PTCHD4: variants seen among roughly 807,000 people sequenced by gnomAD.
The protein encoded by PTCHD4 is patched domain-containing protein 4.
In PTCHD4, 33 loss-of-function variants were observed where a neutral mutation model predicts 58.1. The observed-to-expected ratio is 0.57, with a 90% CI of 0.43 to 0.76. PTCHD4 has a LOEUF of 0.76. Among genes scored for constraint, PTCHD4 ranks in the 30% least tolerant of loss-of-function variants. PTCHD4 has a pLI of 0.00. For synonymous variants in PTCHD4, 478 were observed against 409.6 expected (o/e 1.17, Z -2.02); for missense variants, 1,058 against 1,027.1 (o/e 1.03, Z -0.41).
At chr6:47,974,406 T>TA (rs1216557814) in intron 4 of PTCHD4, among the ~76,000 whole-genome samples, 1 of 152,224 alleles carries the variant, frequency 6.6e-6, no homozygotes, top group African/African-American at 2.4e-5. Context: ...AGTTCAAAGA[T>TA]AAAACCATCT....
rs1763704064 is a variant in PTCHD4, at chr6:47,871,160, A to G, written c.*7143T>C. Among the ~76,000 whole-genome samples the G allele has an allele frequency of 1.3e-5, 2 of 151,628 alleles. No homozygotes were observed. Among genetic ancestry groups the G allele is most frequent in the Admixed American group, 6.6e-5 (1 of 15,170 alleles). On this transcript the variant is annotated 3_prime_UTR_variant, in exon 5 of 5. Coordinates refer to ENST00000339488, the MANE Select transcript of PTCHD4 (RefSeq NM_001384253.1). ...ACAATTTGTCTATGCATGGGTGAAG[A>G]CTGTTTCTCCCTAGGAGTTTTCTTT...
chr6:47,983,136 C>A (rs1462337753), intron 4 of PTCHD4, among the ~76,000 whole-genome samples: 1 of 151,914 alleles, frequency 6.6e-6, no homozygotes, highest in Non-Finnish European at 1.5e-5. Flanking sequence ...AAATAGACAT[C>A]AAAAAGTCAA....
intron 4 of PTCHD4, among the ~76,000 whole-genome samples, chr6:47,893,196 A>T (rs763536980): frequency 1.3e-5 from 2 of 151,988 alleles, no homozygotes; most frequent in Non-Finnish European, 2.9e-5. Flanking sequence ...TTTTTAGTAG[A>T]GATGGGGTTT....
Position 47,879,487 on chromosome 6 carries a change from G to A in PTCHD4, c.1348C>T (p.His450Tyr), listed in dbSNP as rs375905343. Residue 450 changes from histidine to tyrosine, a missense_variant, in exon 5 of 5, where the codon CAT (histidine) becomes TAT (tyrosine). By Grantham distance (83) the His-to-Tyr change is moderately conservative. Transcript: ENST00000339488. ...ATATTGGTAATCCATTCATTATAAT[G>A]TTCACGGAGGAAGTGCTGAATGAAG... Reference protein sequence around the residue: ...HHFIQHFLREHYNEWITNIYV... With the variant: ...HHFIQHFLREYYNEWITNIYV... 8 of 1,613,594 alleles carry A rather than the reference G, an allele frequency of 5.0e-6. No individual in the cohort carries two copies. Among genetic ancestry groups the A allele is most frequent in the South Asian group, 1.1e-5 (1 of 91,078 alleles).
At chr6:47,920,617 G>A (rs1765401672) in intron 4 of PTCHD4, among the ~76,000 whole-genome samples, 1 of 152,126 alleles carries the variant, frequency 6.6e-6, no homozygotes, top group Admixed American at 6.5e-5. Flanking sequence ...AGAATTGGTT[G>A]TTTCTCATAA....
At chr6:48,063,694 A>G (rs553384048) in intron 3 of PTCHD4, among the ~76,000 whole-genome samples, 9 of 152,340 alleles carry the variant, frequency 5.9e-5, no homozygotes, top group Non-Finnish European at 1.0e-4. Flanking sequence ...TGAAACACCT[A>G]GCACCATGTA....
At chr6:48,097,882 G>A (rs1261259752) in intron 1 of PTCHD4, among the ~76,000 whole-genome samples, 1 of 152,136 alleles carries the variant, frequency 6.6e-6, no homozygotes, top group African/African-American at 2.4e-5. Flanking sequence ...GATGAGTCTG[G>A]CCAAGCCTTG....
intron 4 of PTCHD4, among the ~76,000 whole-genome samples, chr6:47,891,272 G>T (rs1764373980): frequency 6.7e-6 from 1 of 150,294 alleles, no homozygotes; most frequent in Non-Finnish European, 1.5e-5. Flanking sequence ...AGCCTCTGAG[G>T]GCTGGGTGCT....
chr6:48,098,892 CA>C (rs977771394), intron 1 of PTCHD4, among the ~76,000 whole-genome samples: 3 of 151,326 alleles, frequency 2.0e-5, no homozygotes, highest in African/African-American at 7.3e-5. Context: ...AGTATTATAC[CA>C]AAAAAGGGGC....
intron 4 of PTCHD4, among the ~76,000 whole-genome samples, chr6:47,966,998 T>C (rs1767319383): frequency 6.6e-6 from 1 of 152,226 alleles, no homozygotes; most frequent in African/African-American, 2.4e-5. Flanking sequence ...GAATCATGGA[T>C]GATTGTAATG....
At chr6:47,936,847 T>A (rs762496163) in intron 4 of PTCHD4, among the ~76,000 whole-genome samples, 32 of 152,094 alleles carry the variant, frequency 2.1e-4, no homozygotes, top group Non-Finnish European at 3.1e-4. Flanking sequence ...TAGAAAAAAG[T>A]AGAGTAGGAT....
chr6:47,887,722 A>G (rs1363551194), intron 4 of PTCHD4, among the ~76,000 whole-genome samples: 2 of 152,142 alleles, frequency 1.3e-5, no homozygotes, highest in Non-Finnish European at 2.9e-5. Context: ...AATCCCCATA[A>G]TGTCTAGTCT....
intron 4 of PTCHD4, among the ~76,000 whole-genome samples, chr6:47,887,443 C>G (rs914534900): frequency 7.9e-5 from 12 of 152,180 alleles, no homozygotes; most frequent in Middle Eastern, 3.4e-3. Flanking sequence ...AGGAAACTTG[C>G]TGAGTGTCAC....
intron 1 of PTCHD4, among the ~76,000 whole-genome samples, chr6:48,099,543 T>G (rs1765554443): frequency 6.6e-6 from 1 of 152,206 alleles, no homozygotes; most frequent in Non-Finnish European, 1.5e-5. Context: ...CCTAGGAATA[T>G]TCTCTGATTA....
At position 47,885,216 on chromosome 6, in the gene PTCHD4, A is replaced by G. The variant is rs529729413; in HGVS notation, c.899-5280T>C. 5.6e-4 allele frequency among the ~76,000 whole-genome samples: 85 copies of G among 152,340 alleles called. 2 individuals carry two copies. In the South Asian group the frequency reaches 0.017, roughly 30 times the overall value. On this transcript the variant is annotated intron_variant, in intron 4 of 4. Coordinates refer to ENST00000339488, the MANE Select transcript of PTCHD4 (RefSeq NM_001384253.1). ...TCTTAAGGGTAAAAAAGAGTTGGAC[A>G]GAGGAAAAACTGGGAGAAAAATTCA...
chr6:47,860,508 A>G lies in PTCHD4; in HGVS notation c.*17795T>C, dbSNP rs1763399346. 6.6e-6 allele frequency among the ~76,000 whole-genome samples: 1 copy of G among 152,034 alleles called. No individual in the cohort carries two copies. The highest frequency in any genetic ancestry group is 1.5e-5 in the Non-Finnish European group (1 of 67,944). Reference sequence around the variant, plus strand: ...ATCCCAACTTAGAGCTTATACCTATACATCTGTAGATCTCTTCTTCCTGTC... The same window carrying G: ...ATCCCAACTTAGAGCTTATACCTATGCATCTGTAGATCTCTTCTTCCTGTC... On this transcript the variant is annotated 3_prime_UTR_variant, in exon 5 of 5. Transcript: ENST00000339488.
intron 1 of PTCHD4, among the ~76,000 whole-genome samples, chr6:48,106,227 G>A (rs972544004): frequency 2.0e-5 from 3 of 152,100 alleles, no homozygotes; most frequent in South Asian, 2.1e-4. Context: ...ACCGCATCCA[G>A]CAACACATCA....
Position 48,068,832 on chromosome 6 carries a change from G to A in PTCHD4, c.5+121C>T, listed in dbSNP as rs2113881170. 1.8e-6 allele frequency: 1 copy of A among 564,872 alleles called. No homozygotes were observed. The highest frequency in any genetic ancestry group is 3.1e-5 in the East Asian group (1 of 32,194). The allele number at this position is 564,872 out of a possible 1,614,324, so 35.0% of individuals were successfully genotyped here. A position where few individuals can be genotyped will look rare whatever the true frequency, so the allele number is the denominator to read the frequency against. Reference sequence around the variant, plus strand: ...TCCTACTACTCTTTCAAACACTGCAGCAAGTTGCAGCAAGGCGGGCAAATA... The same window carrying A: ...TCCTACTACTCTTTCAAACACTGCAACAAGTTGCAGCAAGGCGGGCAAATA... On this transcript the variant is annotated intron_variant, in intron 2 of 4. Transcript: ENST00000339488. The surrounding 1 kb of genome is among the most constrained non-coding windows in gnomAD (Gnocchi z 4.2).
At chr6:47,913,284 C>G (rs1335039796) in intron 4 of PTCHD4, among the ~76,000 whole-genome samples, 2 of 151,976 alleles carry the variant, frequency 1.3e-5, no homozygotes, top group Non-Finnish European at 2.9e-5. Context: ...GTGGGGAGCA[C>G]TATAAAATGA....
Sources: allele counts gnomAD v4.1 joint callset (sites outside exome capture counted in the v4.1 genomes callset), GRCh38; gene constraint gnomAD v4.1.1; non-coding constraint Gnocchi (gnomAD v3.1); transcripts MANE v1.5; gene names NCBI Gene and HGNC (gene_info 2026-07-23, HGNC 2026-07-21).